PPP1R16B: variants seen among roughly 807,000 people sequenced by gnomAD.
PPP1R16B encodes the protein protein phosphatase 1 regulatory inhibitor subunit 16B.
Under a neutral mutation model 61.7 loss-of-function variants are expected in PPP1R16B, and 14 were observed. The ratio of observed to expected loss-of-function variants is 0.23; its 90% CI spans 0.15 to 0.35. The LOEUF (loss-of-function observed/expected upper bound fraction) is 0.35. PPP1R16B is among the 10% of genes least tolerant of loss of function. The pLI, the probability that PPP1R16B is intolerant of heterozygous loss-of-function variation, is 1.00. For missense variants in PPP1R16B, 547 were observed against 752.5 expected (o/e 0.73, Z 3.19); for synonymous variants, 266 against 305.3 (o/e 0.87, Z 1.34).
At chr20:38,815,589 A>G (rs2145705187) in intron 1 of PPP1R16B, among the ~76,000 whole-genome samples, 1 of 152,380 alleles carries the variant, frequency 6.6e-6, no homozygotes. Flanking sequence ...TTCTCCAAAG[A>G]GGCTGAACCA....
intron 1 of PPP1R16B, among the ~76,000 whole-genome samples, chr20:38,813,767 C>CATCATT (rs1187115840): frequency 6.7e-4 from 88 of 132,060 alleles, no homozygotes; most frequent in African/African-American, 1.7e-3. Flanking sequence ...TCATCATCAT[C>CATCATT]ATTATTATTA....
At chr20:38,900,820 C>T in intron 5 of PPP1R16B, 136 bp downstream of exon 5, 1 of 562,446 alleles carries the variant, frequency 1.8e-6, no homozygotes, top group Non-Finnish European at 3.0e-6. Flanking sequence ...GGATGGGTCC[C>T]CATTCATATC....
chr20:38,852,963 G>A (rs1339456026), intron 2 of PPP1R16B, among the ~76,000 whole-genome samples: 3 of 151,726 alleles, frequency 2.0e-5, no homozygotes, highest in African/African-American at 4.8e-5. Context: ...TAGTAGAGAC[G>A]GTTTCACCAT....
chr20:38,809,992 A>C (rs1568649104), intron 1 of PPP1R16B, among the ~76,000 whole-genome samples: 1 of 147,678 alleles, frequency 6.8e-6, no homozygotes, highest in East Asian at 1.9e-4. Context: ...TTCGAAAAAA[A>C]AAAAAAAAAA....
intron 6 of PPP1R16B, among the ~76,000 whole-genome samples, chr20:38,905,159 T>C (rs1356485658): frequency 1.3e-5 from 2 of 152,186 alleles, no homozygotes; most frequent in Non-Finnish European, 2.9e-5. Flanking sequence ...AATAAATATT[T>C]ATTGTCTCAC....
chr20:38,883,089 A>C (rs1246267544), intron 2 of PPP1R16B, among the ~76,000 whole-genome samples: 1 of 152,114 alleles, frequency 6.6e-6, no homozygotes, highest in Non-Finnish European at 1.5e-5. Flanking sequence ...AGGAAGGAAG[A>C]GAGATAGGAG....
intron 2 of PPP1R16B, among the ~76,000 whole-genome samples, chr20:38,848,630 CA>C (rs927898757): frequency 1.5e-4 from 23 of 152,112 alleles, no homozygotes; most frequent in Non-Finnish European, 3.1e-4. Context: ...CTCCAAACCT[CA>C]AAAATAGATT....
chr20:38,897,376 A>G lies in PPP1R16B; in HGVS notation c.467+1666A>G, dbSNP rs551571978. On this transcript the variant is annotated intron_variant, in intron 4 of 10. Transcript: ENST00000299824. ...CAGTATTTGTCTTTTTTTGACTGGCATATTTCACTTAGCATAATGTCCTCA... is the reference window on the plus strand; with the variant it reads ...CAGTATTTGTCTTTTTTTGACTGGCGTATTTCACTTAGCATAATGTCCTCA... Among the ~76,000 whole-genome samples the G allele has an allele frequency of 5.3e-5, 8 of 152,332 alleles. 1 individual carries two copies. In the South Asian group the frequency reaches 1.7e-3, roughly 32 times the overall value.
chr20:38,905,067 G>T (rs1231006834), intron 6 of PPP1R16B, among the ~76,000 whole-genome samples: 1 of 152,232 alleles, frequency 6.6e-6, no homozygotes, highest in Admixed American at 6.5e-5. Flanking sequence ...TGAAGGCCTT[G>T]AATGGGATCA....
intron 1 of PPP1R16B, among the ~76,000 whole-genome samples, chr20:38,815,093 A>G (rs966477151): frequency 7.9e-5 from 12 of 152,064 alleles, no homozygotes; most frequent in African/African-American, 2.9e-4. Context: ...GCTGTATGTC[A>G]TGCTTTTTAA....
At chr20:38,897,280 T>C (rs924743336) in intron 4 of PPP1R16B, among the ~76,000 whole-genome samples, 3 of 152,162 alleles carry the variant, frequency 2.0e-5, no homozygotes, top group African/African-American at 7.2e-5. Context: ...TGAGCCAAGA[T>C]TGTACCACTG....
At chr20:38,823,003 C>A (rs548690376) in intron 1 of PPP1R16B, among the ~76,000 whole-genome samples, 26 of 152,260 alleles carry the variant, frequency 1.7e-4, no homozygotes, top group African/African-American at 6.3e-4. Context: ...AAAGGAAATA[C>A]AACCGGTGAG....
chr20:38,809,708 G>A lies in PPP1R16B; in HGVS notation c.-102+3916G>A, dbSNP rs535686668. Among the ~76,000 whole-genome samples the A allele has an allele frequency of 1.7e-4, 26 of 152,172 alleles. No individual in the cohort carries two copies. In the South Asian group the frequency reaches 5.2e-3, roughly 30 times the overall value. On this transcript the variant is annotated intron_variant, in intron 1 of 10. Transcript: ENST00000299824. ...AAAAAACCTAGCTTGGACCAGGTGCGGTGGCTCATGCCTGTAATCCCAGCA... is the reference window on the plus strand; with the variant it reads ...AAAAAACCTAGCTTGGACCAGGTGCAGTGGCTCATGCCTGTAATCCCAGCA...
At chr20:38,848,179 C>G (rs1163212797) in intron 2 of PPP1R16B, among the ~76,000 whole-genome samples, 1 of 152,146 alleles carries the variant, frequency 6.6e-6, no homozygotes, top group African/African-American at 2.4e-5. Context: ...ACTTTATGGG[C>G]TCTTGCACTA....
At chr20:38,855,943 T>TATATATATAGAGAG (rs1555804333) in intron 2 of PPP1R16B, among the ~76,000 whole-genome samples, 2 of 15,058 alleles carry the variant, frequency 1.3e-4, no homozygotes, top group African/African-American at 4.4e-4. Flanking sequence ...TATATATATA[T>TATATATATAGAGAG]AGAGAGAGAG....
Position 38,921,241 on chromosome 20 carries a change from G to A in PPP1R16B, c.*2575G>A, listed in dbSNP as rs1216553810. Reference sequence around the variant, plus strand: ...TTTAAGTCCCTGGGGAGCTTTCCCTGTAGGTCTCCTGGGTGTTGAGAGACA... The same window carrying A: ...TTTAAGTCCCTGGGGAGCTTTCCCTATAGGTCTCCTGGGTGTTGAGAGACA... On this transcript the variant is annotated 3_prime_UTR_variant, in exon 11 of 11. Coordinates refer to ENST00000299824, the MANE Select transcript of PPP1R16B (RefSeq NM_015568.4). 1.3e-5 allele frequency: 2 copies of A among 152,218 alleles called. No individual in the cohort carries two copies. The highest frequency in any genetic ancestry group is 6.5e-5 in the Admixed American group (1 of 15,288). 9.4% of individuals were successfully genotyped at this position (152,218 alleles called of 1,614,324 possible). A position where few individuals can be genotyped will look rare whatever the true frequency, so the allele number is the denominator to read the frequency against.
chr20:38,836,545 T>TG (rs1017626100), intron 2 of PPP1R16B, among the ~76,000 whole-genome samples: 8 of 152,108 alleles, frequency 5.3e-5, no homozygotes. Context: ...TTTGTAGAGA[T>TG]GGGGGTCTCA....
At chr20:38,870,356 A>T (rs1450575578) in intron 2 of PPP1R16B, among the ~76,000 whole-genome samples, 4 of 152,196 alleles carry the variant, frequency 2.6e-5, no homozygotes, top group Admixed American at 2.0e-4. Flanking sequence ...AAGTCCACAT[A>T]CACATAACCT....
At chr20:38,860,501 A>T (rs753053552) in intron 2 of PPP1R16B, among the ~76,000 whole-genome samples, 1 of 152,236 alleles carries the variant, frequency 6.6e-6, no homozygotes, top group African/African-American at 2.4e-5. Flanking sequence ...TAGTCACCAC[A>T]TGGGGCGGTA....
Sources: gnomAD v4.1 joint callset for allele counts (sites outside exome capture counted in the v4.1 genomes callset) on GRCh38, gnomAD v4.1.1 for gene constraint, MANE v1.5 for transcripts, NCBI Gene and HGNC (gene_info 2026-07-23, HGNC 2026-07-21) for gene names.